The following SPOCK1 variants were observed in gnomAD, a reference collection of about 807,000 sequenced individuals.
SPOCK1 encodes the protein SPARC (osteonectin), cwcv and kazal like domains proteoglycan 1.
A neutral mutation model predicts 55.3 loss-of-function variants in SPOCK1; 23 were observed. That is an observed-to-expected ratio of 0.42 (90% CI 0.30 to 0.59). SPOCK1 has a LOEUF of 0.59. Among genes scored for constraint, SPOCK1 ranks in the 20% least tolerant of loss-of-function variants. The pLI, the probability that SPOCK1 is intolerant of heterozygous loss-of-function variation, is 0.22. For missense variants in SPOCK1, 499 were observed against 552.5 expected, an observed-to-expected ratio of 0.90 and a Z score of 0.97; for synonymous variants, 226 against 221.0, an observed-to-expected ratio of 1.02 and a Z score of -0.20.
intron 7 of SPOCK1, chr5:136,988,891 T>C (rs1249086350): frequency 2.5e-6 from 1 of 397,746 alleles, no homozygotes; most frequent in Non-Finnish European, 4.5e-6. Context: ...AAATCCCCAA[T>C]GTTAACATAT....
intron 5 of SPOCK1, among the ~76,000 whole-genome samples, chr5:137,111,132 G>A (rs1249286134): frequency 6.6e-6 from 1 of 152,108 alleles, no homozygotes; most frequent in South Asian, 2.1e-4. Context: ...AGGACAGCAA[G>A]CAGTGAGGAT....
At chr5:137,172,973 G>A (rs1021418094) in intron 3 of SPOCK1, among the ~76,000 whole-genome samples, 4 of 152,192 alleles carry the variant, frequency 2.6e-5, no homozygotes, top group Non-Finnish European at 5.9e-5. Context: ...ACAGGGCCTG[G>A]CATGTCAAGG....
chr5:137,402,115 A>G (rs997522775), intron 2 of SPOCK1, among the ~76,000 whole-genome samples: 2 of 152,200 alleles, frequency 1.3e-5, no homozygotes, highest in Non-Finnish European at 1.5e-5. Context: ...CCTTCAGGCC[A>G]GCACCAAAAA....
chr5:137,468,278 CAAAAT>C (rs1481558424), intron 2 of SPOCK1, among the ~76,000 whole-genome samples: 1 of 152,204 alleles, frequency 6.6e-6, no homozygotes, highest in Non-Finnish European at 1.5e-5. Flanking sequence ...CTGAAACACT[CAAAAT>C]AAAGATGCTT....
At chr5:137,063,814 T>C (rs1460257576) in intron 6 of SPOCK1, among the ~76,000 whole-genome samples, 1 of 152,214 alleles carries the variant, frequency 6.6e-6, no homozygotes, top group Non-Finnish European at 1.5e-5. Flanking sequence ...CTCATAAAAC[T>C]GTACTCTGCA....
At chr5:137,086,198 C>G (rs1752957288) in intron 5 of SPOCK1, among the ~76,000 whole-genome samples, 1 of 152,154 alleles carries the variant, frequency 6.6e-6, no homozygotes, top group Admixed American at 6.5e-5. Context: ...CCTTCTACCC[C>G]TCCCTGCATC....
At chr5:137,446,569 T>C (rs1753132586) in intron 2 of SPOCK1, among the ~76,000 whole-genome samples, 1 of 151,964 alleles carries the variant, frequency 6.6e-6, no homozygotes, top group Non-Finnish European at 1.5e-5. Flanking sequence ...TATGAGAAAA[T>C]TGGGAAGGTG....
intron 2 of SPOCK1, among the ~76,000 whole-genome samples, chr5:137,373,246 T>C (rs1751241213): frequency 6.6e-6 from 1 of 152,210 alleles, no homozygotes. Flanking sequence ...CTACCAACTG[T>C]ACTGTGAGTA....
intron 6 of SPOCK1, among the ~76,000 whole-genome samples, chr5:137,000,866 C>T (rs531401631): frequency 6.6e-5 from 10 of 152,172 alleles, no homozygotes; most frequent in Admixed American, 5.2e-4. Context: ...GAAACCCCAT[C>T]TCTACTAAAA....
intron 6 of SPOCK1, among the ~76,000 whole-genome samples, chr5:137,063,405 GAAAA>G (rs546494577): frequency 1.6e-5 from 2 of 123,684 alleles, no homozygotes; most frequent in African/African-American, 2.9e-5. Context: ...TTTGACTTCT[GAAAA>G]AAAAAAAAAA....
chr5:137,117,204 A>G (rs371374802), intron 4 of SPOCK1, among the ~76,000 whole-genome samples: 1 of 152,208 alleles, frequency 6.6e-6, no homozygotes, highest in African/African-American at 2.4e-5. Context: ...CCAGCCAGCC[A>G]TATCTACCAC....
rs542323791 is a variant in SPOCK1, at chr5:137,018,846, A to C, written c.590-26246T>G. 3.7e-4 allele frequency among the ~76,000 whole-genome samples: 56 copies of C among 152,358 alleles called. 1 individual carries two copies. The South Asian group carries it at 9.3e-3, about 25-fold the overall frequency. ...GATGTTACAAGACAAGCTGGAAAACAGTTTGGAAAAAGGCAGAGTCAATAT... is the reference window on the plus strand; with the variant it reads ...GATGTTACAAGACAAGCTGGAAAACCGTTTGGAAAAAGGCAGAGTCAATAT... On this transcript the variant is annotated intron_variant, in intron 6 of 10. Transcript: ENST00000394945.
intron 3 of SPOCK1, among the ~76,000 whole-genome samples, chr5:137,163,801 G>A (rs1754602050): frequency 6.6e-6 from 1 of 152,166 alleles, no homozygotes; most frequent in African/African-American, 2.4e-5. Context: ...AGCTACTTCA[G>A]GACAACATGT....
In SPOCK1 at chr5:136,977,491, A is replaced by AAAAC; in HGVS notation, c.*1159_*1162dup. On this transcript the variant is annotated 3_prime_UTR_variant, in exon 11 of 11. Transcript: ENST00000394945. ...TTGTCAGTAGAAAGGGAGTAAAAGC[A>AAAAC]AAACATTGAGTTCAGAATTAGAAAT... The AAAAC allele has an allele frequency of 3.9e-6, 1 of 259,174 alleles. No homozygotes were observed. The highest frequency in any genetic ancestry group is 1.7e-4 in the South Asian group (1 of 5,834). 16.1% of individuals were successfully genotyped at this position (259,174 alleles called of 1,614,324 possible).
chr5:137,118,499 C>G (rs1404404581), intron 4 of SPOCK1, among the ~76,000 whole-genome samples: 1 of 152,182 alleles, frequency 6.6e-6, no homozygotes, highest in Non-Finnish European at 1.5e-5. Flanking sequence ...TGACCTCCCC[C>G]ACAGGGGACA....
At chr5:137,187,022 A>G (rs1376305307) in intron 3 of SPOCK1, among the ~76,000 whole-genome samples, 2 of 152,074 alleles carry the variant, frequency 1.3e-5, no homozygotes, top group African/African-American at 2.4e-5. Flanking sequence ...CATCCAGTCC[A>G]CGTCCCACCT....
At chr5:137,085,651 C>A (rs1015881972) in intron 5 of SPOCK1, among the ~76,000 whole-genome samples, 9 of 152,218 alleles carry the variant, frequency 5.9e-5, no homozygotes, top group African/African-American at 2.2e-4. Context: ...CAGCTCCACT[C>A]CCGGTCAGTC....
chr5:137,328,000 C>G (rs933178663), intron 2 of SPOCK1, among the ~76,000 whole-genome samples: 1 of 152,242 alleles, frequency 6.6e-6, no homozygotes, highest in Non-Finnish European at 1.5e-5. Context: ...CCATGGTCCA[C>G]GCCCACCTGT....
At chr5:137,060,905 C>T (rs1752384025) in intron 6 of SPOCK1, among the ~76,000 whole-genome samples, 1 of 152,220 alleles carries the variant, frequency 6.6e-6, no homozygotes, top group Admixed American at 6.5e-5. Context: ...AAGTCAAAGT[C>T]AGCAGTTACC....
Sources: gnomAD v4.1 joint callset for allele counts (sites outside exome capture counted in the v4.1 genomes callset) on GRCh38, gnomAD v4.1.1 for gene constraint, MANE v1.5 for transcripts, NCBI Gene and HGNC (gene_info 2026-07-23, HGNC 2026-07-21) for gene names.